The following BBS9 variants were observed in gnomAD, a reference collection of about 807,000 sequenced individuals.
BBS9 encodes Bardet-Biedl syndrome 9, also known as protein PTHB1.
A neutral mutation model predicts 117.7 loss-of-function variants in BBS9; 89 were observed. The observed-to-expected ratio is 0.76, with a 90% CI of 0.64 to 0.90. BBS9 has a LOEUF of 0.90. Among genes scored for constraint, BBS9 ranks in the 40% least tolerant of loss-of-function variants. The pLI is 0.00. For synonymous variants in BBS9, 379 were observed against 370.9 expected, an observed-to-expected ratio of 1.02 and a Z score of -0.25; for missense variants, 982 against 1,042.2, an observed-to-expected ratio of 0.94 and a Z score of 0.80.
intron 5 of BBS9, among the ~76,000 whole-genome samples, chr7:33,213,052 C>T (rs979676599): frequency 2.6e-5 from 4 of 152,284 alleles, no homozygotes; most frequent in Non-Finnish European, 2.9e-5. Flanking sequence ...TAGAGTTCTC[C>T]GATCAGCAGG....
At chr7:33,340,779 C>A in intron 10 of BBS9, 118 bp from the exon 11 acceptor site, 2 of 770,682 alleles carry the variant, frequency 2.6e-6, no homozygotes, top group South Asian at 1.7e-5. Context: ...GTTTTTTCAA[C>A]TTGTGAGTAT....
chr7:33,422,633 T>A (rs1276757775), intron 19 of BBS9, among the ~76,000 whole-genome samples: 1 of 152,196 alleles, frequency 6.6e-6, no homozygotes, highest in Non-Finnish European at 1.5e-5. Context: ...CTGTTTATAA[T>A]GTGATAATTT....
At chr7:33,184,324 C>T (rs1468791410) in intron 5 of BBS9, among the ~76,000 whole-genome samples, 3 of 152,182 alleles carry the variant, frequency 2.0e-5, no homozygotes, top group Admixed American at 6.5e-5. Flanking sequence ...AAAAGAAGCT[C>T]CCCATGTCCG....
chr7:33,264,857 T>G (rs1260749164), intron 7 of BBS9, among the ~76,000 whole-genome samples: 1 of 152,174 alleles, frequency 6.6e-6, no homozygotes, highest in Admixed American at 6.5e-5. Flanking sequence ...TGCATAAAAT[T>G]TAGAAATGTT....
At chr7:33,176,850 T>A (rs1797396379) in intron 4 of BBS9, among the ~76,000 whole-genome samples, 1 of 152,200 alleles carries the variant, frequency 6.6e-6, no homozygotes, top group South Asian at 2.1e-4. Flanking sequence ...AGATAAATAC[T>A]CTTTTCTCAT....
intron 19 of BBS9, among the ~76,000 whole-genome samples, chr7:33,465,169 G>A (rs1041690335): frequency 1.3e-5 from 2 of 151,280 alleles, no homozygotes; most frequent in African/African-American, 2.4e-5. Context: ...GATGGGATCT[G>A]TGGTAATTCC....
At chr7:33,424,311 G>A (rs965772054) in intron 19 of BBS9, among the ~76,000 whole-genome samples, 1 of 152,114 alleles carries the variant, frequency 6.6e-6, no homozygotes, top group Admixed American at 6.5e-5. Context: ...ACAGTTTTCT[G>A]CTGCCAGCTA....
At position 33,274,144 on chromosome 7, in the gene BBS9, T is replaced by A. The variant is rs1159991422; in HGVS notation, c.1016+188T>A. On this transcript the variant is annotated intron_variant, in intron 9 of 22. Transcript: ENST00000242067. ...AAGGAAGGATAATTAGTGCTATTAA[T>A]CATTTTCATTTAATATTTCTAGCAA... 2.0e-5 allele frequency among the ~76,000 whole-genome samples: 3 copies of A among 152,242 alleles called. No homozygotes were observed. The East Asian group carries it at 5.8e-4, about 29-fold the overall frequency.
chr7:33,325,450 A>C (rs1190757228), intron 9 of BBS9, among the ~76,000 whole-genome samples: 2 of 152,180 alleles, frequency 1.3e-5, no homozygotes, highest in Admixed American at 1.3e-4. Context: ...GAAAGGTCAC[A>C]TATCTCTGTC....
chr7:33,196,596 G>T, intron 5 of BBS9, among the ~76,000 whole-genome samples: 1 of 152,170 alleles, frequency 6.6e-6, no homozygotes, highest in Non-Finnish European at 1.5e-5. Flanking sequence ...CATACATGTG[G>T]TTGAAATGTT....
At chr7:33,578,616 G>A (rs1209491299) in intron 21 of BBS9, among the ~76,000 whole-genome samples, 1 of 152,160 alleles carries the variant, frequency 6.6e-6, no homozygotes, top group Non-Finnish European at 1.5e-5. Flanking sequence ...AGGAAGTTGA[G>A]TGTGTTACCA....
chr7:33,332,631 C>T (rs1369502694), intron 9 of BBS9, among the ~76,000 whole-genome samples: 1 of 152,038 alleles, frequency 6.6e-6, no homozygotes, highest in Non-Finnish European at 1.5e-5. Flanking sequence ...GAGCTGAGAT[C>T]ACGCCACTGC....
chr7:33,505,252 A>G (rs1345036596), intron 19 of BBS9, among the ~76,000 whole-genome samples: 1 of 142,418 alleles, frequency 7.0e-6, no homozygotes, highest in Non-Finnish European at 1.5e-5. Flanking sequence ...ACTTCTGGCC[A>G]TATGGATTTG....
chr7:33,444,863 A>G (rs1356984218), intron 19 of BBS9, among the ~76,000 whole-genome samples: 1 of 152,230 alleles, frequency 6.6e-6, no homozygotes, highest in Non-Finnish European at 1.5e-5. Flanking sequence ...AGCCTTATCA[A>G]TATATGCAGA....
chr7:33,240,511 C>T (rs1041056221), intron 5 of BBS9, among the ~76,000 whole-genome samples: 13 of 152,170 alleles, frequency 8.5e-5, no homozygotes, highest in Admixed American at 6.5e-5. Flanking sequence ...CCTTGACCTC[C>T]TAAAGTTCTG....
At chr7:33,321,020 C>A (rs1246034118) in intron 9 of BBS9, among the ~76,000 whole-genome samples, 3 of 152,056 alleles carry the variant, frequency 2.0e-5, no homozygotes, top group Non-Finnish European at 4.4e-5. Flanking sequence ...ACAGCCTTAT[C>A]AAAAATTATT....
chr7:33,556,476 A>G (rs1345722162), intron 21 of BBS9, among the ~76,000 whole-genome samples: 8 of 152,182 alleles, frequency 5.3e-5, no homozygotes, highest in African/African-American at 1.7e-4. Flanking sequence ...CTGTTTCTCA[A>G]ATTAGCCTCA....
chr7:33,243,272 C>T (rs1188581069), intron 5 of BBS9, among the ~76,000 whole-genome samples: 3 of 152,160 alleles, frequency 2.0e-5, no homozygotes, highest in African/African-American at 7.2e-5. Context: ...ACTTTTAGAG[C>T]ATAGAGCAGA....
downstream of BBS9, among the ~76,000 whole-genome samples, chr7:33,609,119 T>G (rs901755239): frequency 2.6e-5 from 4 of 152,132 alleles, no homozygotes; most frequent in Non-Finnish European, 5.9e-5. Context: ...CAGGGATCCC[T>G]TTCCCCATTG....
Sources: allele counts gnomAD v4.1 joint callset (sites outside exome capture counted in the v4.1 genomes callset), GRCh38; gene constraint gnomAD v4.1.1; transcripts MANE v1.5; gene names NCBI Gene and HGNC (gene_info 2026-07-23, HGNC 2026-07-21).